Variants in KCNH1 observed in about 807,000 individuals in gnomAD.
KCNH1 encodes voltage-gated delayed rectifier potassium channel KCNH1.
Under a neutral mutation model 69.2 loss-of-function variants are expected in KCNH1, and 27 were observed. That is an observed-to-expected ratio of 0.39 (90% CI 0.29 to 0.54). The LOEUF is 0.54. Ranked by LOEUF, KCNH1 falls within the 20% of genes least tolerant of loss-of-function variation. KCNH1 has a pLI of 0.68. For missense variants in KCNH1, 798 were observed against 1,261.6 expected (o/e 0.63, Z 5.57); for synonymous variants, 456 against 487.7 (o/e 0.93, Z 0.86).
chr1:210,774,690 C>T (rs1050542028), intron 10 of KCNH1, among the ~76,000 whole-genome samples: 2 of 152,126 alleles, frequency 1.3e-5, no homozygotes, highest in Non-Finnish European at 2.9e-5. Flanking sequence ...CTCAAGAGTA[C>T]AAGACCAATA....
chr1:210,783,439 C>T (rs1343066379), intron 9 of KCNH1, among the ~76,000 whole-genome samples: 1 of 152,164 alleles, frequency 6.6e-6, no homozygotes, highest in Non-Finnish European at 1.5e-5. Context: ...TGGTAATGAA[C>T]CCATGACTTT....
At chr1:210,843,674 T>G (rs1036862266) in intron 7 of KCNH1, among the ~76,000 whole-genome samples, 5 of 152,190 alleles carry the variant, frequency 3.3e-5, no homozygotes, top group African/African-American at 1.2e-4. Context: ...GTCCATTTAA[T>G]GCATGTTTGT....
chr1:211,129,215 T>TA (rs1431192363), intron 1 of KCNH1, among the ~76,000 whole-genome samples: 2 of 152,184 alleles, frequency 1.3e-5, no homozygotes, highest in African/African-American at 2.4e-5. Flanking sequence ...ATAAAGCAGA[T>TA]ACTCTAGTAG....
At chr1:211,033,596 G>A (rs1315006105) in intron 5 of KCNH1, among the ~76,000 whole-genome samples, 2 of 152,208 alleles carry the variant, frequency 1.3e-5, no homozygotes, top group Non-Finnish European at 2.9e-5. Context: ...AAAAAATGAT[G>A]AGTTCATGTC....
intron 10 of KCNH1, among the ~76,000 whole-genome samples, chr1:210,701,130 G>A (rs1303286922): frequency 6.6e-6 from 1 of 152,098 alleles, no homozygotes; most frequent in African/African-American, 2.4e-5. Flanking sequence ...GTAGAGACGG[G>A]GTTTCACTGT....
At chr1:211,023,839 G>A (rs748078702) in intron 5 of KCNH1, among the ~76,000 whole-genome samples, 29 of 152,044 alleles carry the variant, frequency 1.9e-4, no homozygotes, top group Middle Eastern at 3.2e-3. Context: ...AATAAAAATC[G>A]TTTTTTAAAA....
chr1:210,710,276 G>A (rs1001292060), intron 10 of KCNH1, among the ~76,000 whole-genome samples: 1 of 152,140 alleles, frequency 6.6e-6, no homozygotes, highest in Non-Finnish European at 1.5e-5. Context: ...GGAACTTGCA[G>A]GACTGGAAGT....
chr1:210,954,752 GT>G (rs1426358961), intron 6 of KCNH1, among the ~76,000 whole-genome samples: 1 of 151,506 alleles, frequency 6.6e-6, no homozygotes, highest in Non-Finnish European at 1.5e-5. Flanking sequence ...TGATGGGGTT[GT>G]TTTTTTCTTG....
chr1:210,788,849 AC>A (rs1684159364), intron 9 of KCNH1, among the ~76,000 whole-genome samples: 1 of 149,442 alleles, frequency 6.7e-6, no homozygotes, highest in African/African-American at 2.5e-5. Context: ...GGCGCCCGCC[AC>A]TACGCCCGGC....
intron 10 of KCNH1, among the ~76,000 whole-genome samples, chr1:210,756,846 C>T (rs1574237000): frequency 2.0e-5 from 3 of 152,298 alleles, no homozygotes; most frequent in Admixed American, 2.0e-4. Context: ...TGTCTTCAAG[C>T]AGCCTTCTCT....
intron 9 of KCNH1, among the ~76,000 whole-genome samples, chr1:210,786,663 T>C (rs1404879383): frequency 3.9e-5 from 6 of 152,174 alleles, no homozygotes; most frequent in Non-Finnish European, 2.9e-5. Context: ...CCTTGATCTT[T>C]CTTCTGAGTC....
intron 6 of KCNH1, among the ~76,000 whole-genome samples, chr1:210,954,690 G>A (rs545837303): frequency 5.9e-5 from 9 of 152,310 alleles, no homozygotes; most frequent in African/African-American, 2.2e-4. Context: ...TCCGTTGGCT[G>A]CACAAATGTC....
intron 10 of KCNH1, among the ~76,000 whole-genome samples, chr1:210,756,340 T>C (rs1283800284): frequency 2.0e-5 from 3 of 152,090 alleles, no homozygotes; most frequent in African/African-American, 7.2e-5. Context: ...GAATGCAGGG[T>C]TTTAGATGCT....
At chr1:210,952,385 T>C (rs755316873) in intron 6 of KCNH1, among the ~76,000 whole-genome samples, 1 of 152,142 alleles carries the variant, frequency 6.6e-6, no homozygotes, top group Non-Finnish European at 1.5e-5. Context: ...TATCAGTCTA[T>C]CCAGCAGAGA....
In KCNH1 at chr1:211,126,541, G is replaced by A. The variant is rs1478873029; in HGVS notation, c.79+7326C>T. ...AAAAAAAAAATTAGCTGGGTGTGGT[G>A]GCACATGCCTGTAGTCCCAGCTACT... On this transcript the variant is annotated intron_variant, in intron 1 of 10. Transcript: ENST00000271751. Among the ~76,000 whole-genome samples the A allele has an allele frequency of 5.9e-5, 9 of 151,824 alleles. No individual in the cohort carries two copies. The East Asian group carries it at 1.4e-3, about 23-fold the overall frequency.
intron 6 of KCNH1, among the ~76,000 whole-genome samples, chr1:211,003,658 G>A (rs1689228762): frequency 2.0e-5 from 3 of 152,122 alleles, no homozygotes; most frequent in African/African-American, 7.2e-5. Context: ...AGGAGGAAGA[G>A]GAGGAGAAAG....
chr1:210,760,538 G>A (rs1386355640), intron 10 of KCNH1, among the ~76,000 whole-genome samples: 1 of 152,196 alleles, frequency 6.6e-6, no homozygotes, highest in African/African-American at 2.4e-5. Context: ...AATGCTTAAA[G>A]GAGTCCTAAA....
intron 5 of KCNH1, among the ~76,000 whole-genome samples, chr1:211,035,233 A>ATT (rs1689872542): frequency 1.9e-5 from 2 of 104,774 alleles, no homozygotes; most frequent in African/African-American, 7.7e-5. Flanking sequence ...GGGTACTGGC[A>ATT]TTCTTTTTTT....
chr1:210,818,788 C>T (rs1684870221), intron 7 of KCNH1, among the ~76,000 whole-genome samples: 1 of 152,176 alleles, frequency 6.6e-6, no homozygotes, highest in African/African-American at 2.4e-5. Flanking sequence ...GCCCTATCTA[C>T]CTGGAACGAC....
Sources: allele counts gnomAD v4.1 joint callset (sites outside exome capture counted in the v4.1 genomes callset), GRCh38; gene constraint gnomAD v4.1.1; transcripts MANE v1.5; gene names NCBI Gene and HGNC (gene_info 2026-07-23, HGNC 2026-07-21).